Variants in MAP4K1 observed in about 807,000 individuals in gnomAD.
MAP4K1 encodes mitogen-activated protein kinase kinase kinase kinase 1.
Under a neutral mutation model 122.8 loss-of-function variants are expected in MAP4K1, and 35 were observed. The observed-to-expected ratio is 0.29, with a 90% CI of 0.22 to 0.38. MAP4K1 has a LOEUF of 0.38. MAP4K1 is among the 10% of genes least tolerant of loss of function. The pLI is 1.00. For missense variants in MAP4K1, 791 were observed against 1,072.6 expected (o/e 0.74, Z 3.67); for synonymous variants, 412 against 421.3 (o/e 0.98, Z 0.27).
chr19:38,614,657 A>C, intron 4 of MAP4K1: 1 of 600,262 alleles, frequency 1.7e-6, no homozygotes, highest in Non-Finnish European at 3.0e-6. Context: ...GCAGTGGCTC[A>C]TGCCTATAAT....
chr19:38,611,596 A>T (rs1048146353), intron 9 of MAP4K1, among the ~76,000 whole-genome samples: 7 of 152,124 alleles, frequency 4.6e-5, no homozygotes, highest in Non-Finnish European at 8.8e-5. Context: ...CAGCTGGGGC[A>T]ACATAGTGAG....
In MAP4K1 at chr19:38,614,234, C is replaced by A; in HGVS notation, c.417+11G>T. On this transcript the variant is annotated intron_variant, in intron 6 of 30. Transcript: ENST00000396857. ...CCACCCCCCAACAGCACCCCTACAC[C>A]CCCAGACCACCTTGATGTCCCTGTG... The A allele has an allele frequency of 6.2e-7, 1 of 1,614,084 alleles. No individual in the cohort carries two copies. Among genetic ancestry groups the A allele is most frequent in the Non-Finnish European group, 8.5e-7 (1 of 1,179,956 alleles).
rs763906646 is a variant in MAP4K1 at position 38,597,097 on chromosome 19, T to A, written c.1878A>T (p.Ala626=). Residue 626 remains alanine (A), a synonymous_variant, in exon 25 of 31, where the codon GCA becomes GCT. Transcript: ENST00000396857. The surrounding 1 kb of genome is among the most constrained non-coding windows in gnomAD (Gnocchi z 4.6). Reference sequence around the variant, plus strand: ...GAAGCAGGACAACGGACGTCTCCAATGCACCGCACAGGAACGGGCCCCCAG... The same window carrying A: ...GAAGCAGGACAACGGACGTCTCCAAAGCACCGCACAGGAACGGGCCCCCAG... The part of the protein sequence containing the change: ...ASSGGPFLCG[A]LETSVVLLQW... 1.2e-6 allele frequency: 2 copies of A among 1,614,158 alleles called. No homozygotes were observed. The highest frequency in any genetic ancestry group is 3.3e-5 in the Admixed American group (2 of 60,010).
At chr19:38,608,413 A>G (rs546037716) in intron 13 of MAP4K1, among the ~76,000 whole-genome samples, 1 of 151,590 alleles carries the variant, frequency 6.6e-6, no homozygotes, top group South Asian at 2.1e-4. Context: ...AGTACTTTGG[A>G]AGGCTGAGGT....
chr19:38,596,243 G>GCCC, intron 26 of MAP4K1, 69 bp downstream of exon 26: 2 of 1,473,564 alleles, frequency 1.4e-6, no homozygotes, highest in Non-Finnish European at 1.8e-6. Context: ...GCTAAGCGAA[G>GCCC]CCCCGCCTCC....
chr19:38,607,788 A>T, intron 16 of MAP4K1, 76 bp downstream of exon 16: 1 of 1,511,996 alleles, frequency 6.6e-7, no homozygotes, highest in Non-Finnish European at 9.0e-7. Flanking sequence ...GAGTGGAGGA[A>T]AGGCCACATC....
At position 38,613,970 on chromosome 19, in the gene MAP4K1, C is replaced by G; in HGVS notation, c.461-18G>C. ...AAAGTCAGCTGGAAGCAGAGGGAGACATAGTGATCTGGGGTCCACTGCGCT... is the reference window on the plus strand; with the variant it reads ...AAAGTCAGCTGGAAGCAGAGGGAGAGATAGTGATCTGGGGTCCACTGCGCT... On this transcript the variant is annotated intron_variant, in intron 7 of 30. Coordinates refer to ENST00000396857, the MANE Select transcript of MAP4K1 (RefSeq NM_001042600.3). 6.2e-7 allele frequency: 1 copy of G among 1,613,896 alleles called. No homozygotes were observed. Among genetic ancestry groups the G allele is most frequent in the Non-Finnish European group, 8.5e-7 (1 of 1,179,868 alleles).
intron 4 of MAP4K1, among the ~76,000 whole-genome samples, chr19:38,615,625 C>A (rs1975626320): frequency 6.6e-6 from 1 of 152,012 alleles, no homozygotes; most frequent in African/African-American, 2.4e-5. Context: ...GTCTGACAGA[C>A]CAGCTGTGGG....
chr19:38,603,608 G>A (rs111967133), intron 19 of MAP4K1, among the ~76,000 whole-genome samples: 9,121 of 152,156 alleles, frequency 0.06, 608 homozygotes, highest in East Asian at 0.26. Flanking sequence ...GCCGAGGTGG[G>A]AGGATCACTT....
At chr19:38,614,502 T>A in intron 4 of MAP4K1, 57 bp from the exon 5 acceptor site, 2 of 1,587,432 alleles carry the variant, frequency 1.3e-6, no homozygotes, top group Non-Finnish European at 1.7e-6. Flanking sequence ...GAACCTGGGC[T>A]GGGGAGTCCT....
In MAP4K1 at chr19:38,604,722, G is replaced by A. The variant is rs185140820; in HGVS notation, c.1446+687C>T. ...GGAGAATGGTGTGAACCTGGGAGGC[G>A]GAGCTTGCAGTGAGCCGAGATCGCG... is the stretch of plus-strand genomic sequence containing the variant. On this transcript the variant is annotated intron_variant, in intron 19 of 30. Coordinates refer to ENST00000396857, the MANE Select transcript of MAP4K1 (RefSeq NM_001042600.3). 3.2e-3 allele frequency among the ~76,000 whole-genome samples: 491 copies of A among 151,270 alleles called. 4 individuals are homozygous for A. Among genetic ancestry groups the A allele is most frequent in the African/African-American group, 0.011 (464 of 41,242 alleles).
chr19:38,597,101 C>T lies in MAP4K1; in HGVS notation c.1874G>A (p.Gly625Asp). ...GASSGGPFLCGALETSVVLLQ... is the reference protein window; with the variant it reads ...GASSGGPFLCDALETSVVLLQ... ...CAGGACAACGGACGTCTCCAATGCACCGCACAGGAACGGGCCCCCAGAGCT... is the reference window on the plus strand; with the variant it reads ...CAGGACAACGGACGTCTCCAATGCATCGCACAGGAACGGGCCCCCAGAGCT... Residue 625 changes from glycine to aspartate, a missense_variant, in exon 25 of 31, where the codon GGT becomes GAT. Gly to Asp is a moderately conservative substitution (Grantham distance 94). Transcript: ENST00000396857. This position sits in a 1 kb window ranked among gnomAD's most constrained non-coding sequence, Gnocchi z 4.6. 1.9e-6 allele frequency: 3 copies of T among 1,614,194 alleles called. No homozygotes were observed. The highest frequency in any genetic ancestry group is 2.5e-6 in the Non-Finnish European group (3 of 1,180,032).
At chr19:38,612,098 CAAAAAT>C (rs950472352) in intron 9 of MAP4K1, among the ~76,000 whole-genome samples, 15 of 147,228 alleles carry the variant, frequency 1.0e-4, no homozygotes, top group Non-Finnish European at 1.9e-4. Flanking sequence ...GACTCCATCT[CAAAAAT>C]AAATAAATAA....
rs754154809 is a variant in MAP4K1 at position 38,611,069 on chromosome 19, G to T, written c.792C>A (p.Ser264Arg). The part of the protein sequence containing the change: ...TLTKSPKKRP[S>R]ATKMLSHQLV... Reference sequence around the variant, plus strand: ...GGGTTACACTGAGCATCTTGGTGGCGCTGGGTCGTTTCTTGGGACTCTTAG... The same window carrying T: ...GGGTTACACTGAGCATCTTGGTGGCTCTGGGTCGTTTCTTGGGACTCTTAG... The change falls in exon 11 of 31, where the codon AGC becomes AGA. Residue 264 changes from serine (S) to arginine (R), a missense_variant. This residue lies in a region of MAP4K1 where 303 missense variants were observed against 344.8 expected (regional missense o/e 0.88). Transcript: ENST00000396857. The T allele has an allele frequency of 6.2e-7, 1 of 1,612,722 alleles. No homozygotes were observed. Among genetic ancestry groups the T allele is most frequent in the Admixed American group, 1.7e-5 (1 of 59,790 alleles).
chr19:38,608,828 A>AAAAAAAAAAAAAAAC lies in MAP4K1; in HGVS notation c.1007-659_1007-658insGTTTTTTTTTTTTTT, dbSNP rs1555811720. ...AAAAAAAAAAAAAAAAAAAAAAAAA[A>AAAAAAAAAAAAAAAC]ACATTAGCCACGCGTGGTGAATAAG... On this transcript the variant is annotated intron_variant, in intron 13 of 30. Coordinates refer to ENST00000396857, the MANE Select transcript of MAP4K1 (RefSeq NM_001042600.3). 4.8e-4 allele frequency among the ~76,000 whole-genome samples: 66 copies of AAAAAAAAAAAAAAAC among 137,242 alleles called. 6 individuals are homozygous for AAAAAAAAAAAAAAAC. Among genetic ancestry groups the AAAAAAAAAAAAAAAC allele is most frequent in the Middle Eastern group, 4.2e-3 (1 of 240 alleles). 90.0% of individuals were successfully genotyped at this position (137,242 alleles called of 152,430 possible). A position where few individuals can be genotyped will look rare whatever the true frequency, so the allele number is the denominator to read the frequency against.
At chr19:38,605,153 T>C (rs1975286098) in intron 19 of MAP4K1, among the ~76,000 whole-genome samples, 1 of 151,722 alleles carries the variant, frequency 6.6e-6, no homozygotes, top group Non-Finnish European at 1.5e-5. Flanking sequence ...GGTATTTATA[T>C]GACCTTGGGT....
chr19:38,608,670 T>C (rs912245508), intron 13 of MAP4K1, among the ~76,000 whole-genome samples: 1 of 151,442 alleles, frequency 6.6e-6, no homozygotes, highest in African/African-American at 2.4e-5. Flanking sequence ...CATGGTAGTA[T>C]GCGCCTGTAA....
At chr19:38,615,602 C>A (rs1229988144) in intron 4 of MAP4K1, among the ~76,000 whole-genome samples, 1 of 152,018 alleles carries the variant, frequency 6.6e-6, no homozygotes, top group African/African-American at 2.4e-5. Flanking sequence ...AGAGAGAGGC[C>A]GTCAGACATC....
At chr19:38,589,963 G>A (rs1355226621) in intron 30 of MAP4K1, among the ~76,000 whole-genome samples, 2 of 151,898 alleles carry the variant, frequency 1.3e-5, no homozygotes, top group African/African-American at 4.8e-5. Flanking sequence ...CCAGGAGGTC[G>A]AGGCTGCAGT....
Sources: gnomAD v4.1 joint callset for allele counts (sites outside exome capture counted in the v4.1 genomes callset) on GRCh38, gnomAD v4.1.1 for gene constraint, gnomAD v4.1.1 regional missense constraint, Gnocchi (gnomAD v3.1) non-coding constraint, MANE v1.5 for transcripts, NCBI Gene and HGNC (gene_info 2026-07-23, HGNC 2026-07-21) for gene names.